The following COL22A1 variants were observed in gnomAD, a reference collection of about 807,000 sequenced individuals.
The protein encoded by COL22A1 is collagen alpha-1(XXII) chain.
COL22A1 carries 221 observed loss-of-function variants against 248.9 expected under a neutral mutation model. The ratio of observed to expected loss-of-function variants is 0.89; its 90% confidence interval spans 0.80 to 0.99. COL22A1 has a LOEUF of 0.99. Ranked by LOEUF, COL22A1 falls within the 50% of genes least tolerant of loss-of-function variation. The pLI, the probability that COL22A1 is intolerant of heterozygous loss-of-function variation, is 0.00. For synonymous variants in COL22A1, 891 were observed against 793.4 expected (o/e 1.12, Z -2.07); for missense variants, 2,240 against 2,179.0 (o/e 1.03, Z -0.56).
intron 4 of COL22A1, among the ~76,000 whole-genome samples, chr8:138,838,343 A>G (rs565355807): frequency 6.6e-6 from 1 of 152,072 alleles, no homozygotes; most frequent in South Asian, 2.1e-4. Flanking sequence ...CTGAGGGATG[A>G]GGGGGAGTGA....
At chr8:138,878,449 C>T in intron 2 of COL22A1, 133 bp from the exon 3 acceptor site, 1 of 734,538 alleles carries the variant, frequency 1.4e-6, no homozygotes, top group South Asian at 2.7e-5. Flanking sequence ...GACCCAAGGG[C>T]CCTGGGCTGC....
chr8:138,820,874 G>A (rs1400324871), intron 7 of COL22A1, among the ~76,000 whole-genome samples: 1 of 152,180 alleles, frequency 6.6e-6, no homozygotes, highest in Non-Finnish European at 1.5e-5. Flanking sequence ...ACAGTGCCTG[G>A]CACATAGTAG....
intron 1 of COL22A1, among the ~76,000 whole-genome samples, chr8:138,912,804 G>T (rs9657434): frequency 0.3 from 45,180 of 151,766 alleles, 7,160 homozygotes; most frequent in African/African-American, 0.42. Flanking sequence ...GTCATGGAAT[G>T]AAGTTCTGAG....
chr8:138,805,133 TGG>T (rs398113094), intron 10 of COL22A1, among the ~76,000 whole-genome samples: 1 of 101,358 alleles, frequency 9.9e-6, no homozygotes, highest in Admixed American at 9.3e-5. Flanking sequence ...GTATGTGTGA[TGG>T]GGTGTGTGTG....
chr8:138,640,502 C>A (rs2130430690), intron 47 of COL22A1, among the ~76,000 whole-genome samples: 1 of 152,218 alleles, frequency 6.6e-6, no homozygotes, highest in South Asian at 2.1e-4. Context: ...CTGGTAAATT[C>A]CTAACTAACC....
At chr8:138,826,866 T>C in intron 5 of COL22A1, 85 bp from the exon 6 acceptor site, 1 of 1,499,444 alleles carries the variant, frequency 6.7e-7, no homozygotes, top group Non-Finnish European at 9.1e-7. Flanking sequence ...CCAGCAGTGA[T>C]CAAGCCCTGC....
intron 1 of COL22A1, among the ~76,000 whole-genome samples, chr8:138,902,515 G>A (rs1204655419): frequency 1.3e-5 from 2 of 151,900 alleles, no homozygotes; most frequent in Non-Finnish European, 2.9e-5. Flanking sequence ...GCCTAACATG[G>A]TGAAACCCGG....
intron 37 of COL22A1, among the ~76,000 whole-genome samples, chr8:138,686,634 T>C (rs1826377702): frequency 6.6e-6 from 1 of 152,024 alleles, no homozygotes; most frequent in African/African-American, 2.4e-5. Flanking sequence ...CCTTTCCAAA[T>C]CCCGGGCCCG....
intron 3 of COL22A1, among the ~76,000 whole-genome samples, chr8:138,847,529 C>G (rs1447392394): frequency 6.6e-6 from 1 of 152,174 alleles, no homozygotes; most frequent in Admixed American, 6.5e-5. Flanking sequence ...CTATTCCCCA[C>G]CTTTCCAGTC....
intron 44 of COL22A1, among the ~76,000 whole-genome samples, chr8:138,659,097 T>C (rs1256455154): frequency 6.6e-6 from 1 of 152,170 alleles, no homozygotes. Flanking sequence ...TCACCAGAGC[T>C]TTTCACTTTG....
chr8:138,700,435 G>A lies in COL22A1; in HGVS notation c.2560-291C>T, dbSNP rs577977412. Among the ~76,000 whole-genome samples, 22 of 152,214 alleles carry A rather than the reference G, an allele frequency of 1.4e-4. No homozygotes were observed. In the South Asian group the frequency reaches 4.6e-3, roughly 32 times the overall value. ...TCTCCTCAGCTTCTATGTCCCCATC[G>A]GTAAAACGGGAAAGAAACATTCTTC... On this transcript the variant is annotated intron_variant, in intron 31 of 64. Transcript: ENST00000303045.
chr8:138,783,810 A>C (rs180972992), intron 12 of COL22A1, among the ~76,000 whole-genome samples: 81 of 152,306 alleles, frequency 5.3e-4, no homozygotes, highest in African/African-American at 1.9e-3. Context: ...GCAGAGTTAA[A>C]CCAAGTGAAG....
At position 138,601,556 on chromosome 8, in the gene COL22A1, G is replaced by A. The variant is rs564300926; in HGVS notation, c.4185+559C>T. Among the ~76,000 whole-genome samples the A allele has an allele frequency of 1.7e-4, 26 of 152,268 alleles. No homozygotes were observed. In the South Asian group the frequency reaches 5.0e-3, roughly 29 times the overall value. ...AAAGCCTCCAAAGGGAGCAGCAGTC[G>A]TGAGTGTGAGAACGCGTCCGCCTTC... is the stretch of plus-strand genomic sequence containing the variant. On this transcript the variant is annotated intron_variant, in intron 60 of 64. Transcript: ENST00000303045.
At chr8:138,667,417 AC>A (rs2130739023) in intron 41 of COL22A1, among the ~76,000 whole-genome samples, 1 of 152,256 alleles carries the variant, frequency 6.6e-6, no homozygotes, top group African/African-American at 2.4e-5. Context: ...ACTTAAATAG[AC>A]CCCCATTGGC....
At chr8:138,684,654 G>A (rs142043855) in intron 38 of COL22A1, among the ~76,000 whole-genome samples, 185 bp from the exon 39 acceptor site, 8 of 152,222 alleles carry the variant, frequency 5.3e-5, no homozygotes, top group East Asian at 3.9e-4. Context: ...TGTGAATTCC[G>A]ACTCTGCCTC....
intron 7 of COL22A1, among the ~76,000 whole-genome samples, chr8:138,813,815 C>T (rs1236166828): frequency 1.3e-5 from 2 of 152,166 alleles, no homozygotes; most frequent in South Asian, 2.1e-4. Flanking sequence ...CTCCAGGTCA[C>T]CAGCACTGCA....
intron 23 of COL22A1, among the ~76,000 whole-genome samples, chr8:138,726,837 G>A (rs979610528): frequency 5.9e-5 from 9 of 152,246 alleles, no homozygotes; most frequent in African/African-American, 2.2e-4. Context: ...GGCTGTCATA[G>A]TGAGGAGGAG....
chr8:138,615,928 T>G, intron 55 of COL22A1, 73 bp downstream of exon 55: 1 of 1,106,604 alleles, frequency 9.0e-7, no homozygotes, highest in Non-Finnish European at 1.4e-6. Context: ...TGTGGGGCAG[T>G]TTCTGGGTGT....
intron 30 of COL22A1, among the ~76,000 whole-genome samples, chr8:138,706,905 A>T (rs1828507949): frequency 1.3e-5 from 2 of 152,328 alleles, no homozygotes; most frequent in South Asian, 4.2e-4. Flanking sequence ...ACTAATAAAG[A>T]AGAGAAGAGA....
Sources: allele counts gnomAD v4.1 joint callset (sites outside exome capture counted in the v4.1 genomes callset), GRCh38; gene constraint gnomAD v4.1.1; transcripts MANE v1.5; gene names NCBI Gene and HGNC (gene_info 2026-07-23, HGNC 2026-07-21).